TMPRSS11E: variants seen among roughly 807,000 people sequenced by gnomAD.
TMPRSS11E encodes transmembrane serine protease 11E, also known as transmembrane protease serine 11E.
In TMPRSS11E, 38 loss-of-function variants were observed where a neutral mutation model predicts 48.1. The ratio of observed to expected loss-of-function variants is 0.79; its 90% confidence interval spans 0.61 to 1.04. The LOEUF (loss-of-function observed/expected upper bound fraction) is 1.04, where lower values mean the gene tolerates loss of function less well. TMPRSS11E is among the 50% of genes least tolerant of loss of function. TMPRSS11E has a pLI of 0.00. For missense variants in TMPRSS11E, 530 were observed against 510.8 expected (o/e 1.04, Z -0.36); for synonymous variants, 158 against 171.9 (o/e 0.92, Z 0.63).
chr4:68,476,480 G>A (rs747729234), intron 7 of TMPRSS11E, 42 bp downstream of exon 7: 3 of 1,544,210 alleles, frequency 1.9e-6, no homozygotes, highest in South Asian at 1.2e-5. Context: ...TGAACAAAGT[G>A]CACTGGGTTT....
chr4:68,482,557 C>G (rs1729435656), intron 9 of TMPRSS11E, among the ~76,000 whole-genome samples: 1 of 133,052 alleles, frequency 7.5e-6, no homozygotes, highest in South Asian at 2.4e-4. Flanking sequence ...AGTTTGAGAC[C>G]AGCCTGGGTA....
rs913125250 is a variant in TMPRSS11E, at chr4:68,492,914, C to T, written c.1111-3729C>T. On this transcript the variant is annotated intron_variant, in intron 9 of 9. Coordinates refer to ENST00000305363, the MANE Select transcript of TMPRSS11E (RefSeq NM_014058.4). ...TTGATGGTTTAGATATTATGCTAGA[C>T]CTTCTTTTGTCCTAATCATCATCAT... 2.0e-5 allele frequency among the ~76,000 whole-genome samples: 3 copies of T among 152,106 alleles called. No homozygotes were observed. In the East Asian group the frequency reaches 5.8e-4, roughly 29 times the overall value.
intron 6 of TMPRSS11E, 123 bp from the exon 7 acceptor site, chr4:68,476,138 A>G: frequency 7.7e-7 from 1 of 1,303,418 alleles, no homozygotes; most frequent in Non-Finnish European, 1.1e-6. Context: ...AGAGCATGAG[A>G]AAACATTTGA....
intron 1 of TMPRSS11E, among the ~76,000 whole-genome samples, chr4:68,460,754 AC>A (rs748959764): frequency 1.3e-5 from 2 of 152,182 alleles, no homozygotes; most frequent in Non-Finnish European, 2.9e-5. Flanking sequence ...AAATATTATA[AC>A]CCAATGGGAC....
intron 8 of TMPRSS11E, 25 bp downstream of exon 8, chr4:68,477,653 G>A: frequency 6.2e-7 from 1 of 1,607,362 alleles, no homozygotes; most frequent in Non-Finnish European, 8.5e-7. Flanking sequence ...AGGAACTCAA[G>A]TAAAAGTTAA....
At chr4:68,449,184 T>C (rs1311436140) in intron 1 of TMPRSS11E, among the ~76,000 whole-genome samples, 1 of 151,696 alleles carries the variant, frequency 6.6e-6, no homozygotes, top group Non-Finnish European at 1.5e-5. Context: ...AGCATTATTC[T>C]TCTTGTACTG....
intron 9 of TMPRSS11E, among the ~76,000 whole-genome samples, chr4:68,484,882 T>C (rs550309811): frequency 4.9e-4 from 74 of 152,328 alleles, no homozygotes; most frequent in Admixed American, 3.9e-4. Context: ...TGTAGAATCA[T>C]ATCATTTGTG....
intron 5 of TMPRSS11E, among the ~76,000 whole-genome samples, chr4:68,474,171 T>G (rs996202634): frequency 6.6e-6 from 1 of 152,148 alleles, no homozygotes. Context: ...AATGACAATT[T>G]GAGGGCAGAC....
chr4:68,447,720 T>C (rs1560543777), intron 1 of TMPRSS11E, among the ~76,000 whole-genome samples, 197 bp downstream of exon 1: 1 of 152,134 alleles, frequency 6.6e-6, no homozygotes, highest in Middle Eastern at 3.4e-3. Context: ...CTGTCCTCTT[T>C]TGTTGTATCC....
At chr4:68,478,520 T>A (rs1431981673) in intron 8 of TMPRSS11E, among the ~76,000 whole-genome samples, 1 of 137,200 alleles carries the variant, frequency 7.3e-6, no homozygotes, top group African/African-American at 2.7e-5. Context: ...AGTGGCCCGA[T>A]CTTGGCTCAC....
At chr4:68,479,414 A>G (rs1377870) in intron 9 of TMPRSS11E, among the ~76,000 whole-genome samples, 49,161 of 151,124 alleles carry the variant, frequency 0.33, 8,739 homozygotes, top group East Asian at 0.77. Flanking sequence ...ATTTTGGATC[A>G]TCTATTGGTA....
intron 2 of TMPRSS11E, among the ~76,000 whole-genome samples, chr4:68,465,993 A>C (rs973163567): frequency 6.6e-6 from 1 of 152,174 alleles, no homozygotes; most frequent in Non-Finnish European, 1.5e-5. Context: ...AGGAGCAGAC[A>C]AGCCAACCCC....
intron 9 of TMPRSS11E, among the ~76,000 whole-genome samples, chr4:68,489,362 G>C (rs1414106746): frequency 6.6e-6 from 1 of 152,126 alleles, no homozygotes; most frequent in Admixed American, 6.5e-5. Context: ...AGGTGTTCCT[G>C]GTCCACTGGC....
chr4:68,475,032 G>A (rs1729172469), intron 6 of TMPRSS11E, among the ~76,000 whole-genome samples: 1 of 152,098 alleles, frequency 6.6e-6, no homozygotes, highest in Non-Finnish European at 1.5e-5. Flanking sequence ...GAAGAGGCAA[G>A]AAATGTTTAC....
chr4:68,453,432 G>A (rs1728549595), intron 1 of TMPRSS11E, among the ~76,000 whole-genome samples: 1 of 151,888 alleles, frequency 6.6e-6, no homozygotes, highest in African/African-American at 2.4e-5. Context: ...GAAAATGGAA[G>A]TCATTTGCTT....
intron 3 of TMPRSS11E, among the ~76,000 whole-genome samples, chr4:68,467,474 A>G (rs952070319): frequency 6.6e-6 from 1 of 152,184 alleles, no homozygotes. Flanking sequence ...TCATGATATA[A>G]TGTGATGGAA....
intron 9 of TMPRSS11E, among the ~76,000 whole-genome samples, chr4:68,492,173 A>T (rs944671240): frequency 6.6e-6 from 1 of 152,214 alleles, no homozygotes; most frequent in Admixed American, 6.5e-5. Flanking sequence ...TTGATTCTGT[A>T]ATTCAATCTC....
At chr4:68,490,483 T>A (rs951195221) in intron 9 of TMPRSS11E, among the ~76,000 whole-genome samples, 5 of 152,322 alleles carry the variant, frequency 3.3e-5, no homozygotes, top group African/African-American at 1.2e-4. Context: ...CATTTCCCAC[T>A]CAGCTTCCTT....
chr4:68,458,012 C>A (rs937408637), intron 1 of TMPRSS11E, among the ~76,000 whole-genome samples: 1 of 152,052 alleles, frequency 6.6e-6, no homozygotes, highest in Non-Finnish European at 1.5e-5. Flanking sequence ...AGCAAACCAC[C>A]ATGGCACGTG....
Sources: gnomAD v4.1 joint callset for allele counts (sites outside exome capture counted in the v4.1 genomes callset) on GRCh38, gnomAD v4.1.1 for gene constraint, MANE v1.5 for transcripts, NCBI Gene and HGNC (gene_info 2026-07-23, HGNC 2026-07-21) for gene names.